PTPRK: variants seen among roughly 807,000 people sequenced by gnomAD.
PTPRK encodes receptor-type tyrosine-protein phosphatase kappa.
PTPRK carries 75 observed loss-of-function variants against 178.0 expected under a neutral mutation model. That is an observed-to-expected ratio of 0.42 (90% CI 0.35 to 0.51). The LOEUF (loss-of-function observed/expected upper bound fraction) is 0.51. PTPRK is among the 20% of genes least tolerant of loss of function. PTPRK has a pLI of 0.02. For missense variants in PTPRK, 1,441 were observed against 1,797.8 expected (o/e 0.80, Z 3.59); for synonymous variants, 637 against 620.6 (o/e 1.03, Z -0.39).
At chr6:127,997,098 A>C (rs1350278402) in intron 16 of PTPRK, 110 bp from the exon 17 acceptor site, 2 of 1,047,018 alleles carry the variant, frequency 1.9e-6, no homozygotes, top group East Asian at 2.6e-5. Context: ...AGAGGAAAGC[A>C]GTCCTACAGT....
In PTPRK at chr6:128,307,160, A is replaced by AAAT. The variant is rs5879886; in HGVS notation, c.495+14878_495+14879insATT. On this transcript the variant is annotated intron_variant, in intron 3 of 29. Coordinates refer to ENST00000368226, the MANE Select transcript of PTPRK (RefSeq NM_002844.4). ...AGGCTCAGAGCTCAGAAGAAAAAAA[A>AAAT]ATATATATATATATATATGGATATA... 3.4e-3 allele frequency among the ~76,000 whole-genome samples: 491 copies of AAAT among 142,364 alleles called. 1 individual carries two copies. Among genetic ancestry groups the AAAT allele is most frequent in the African/African-American group, 0.012 (442 of 36,844 alleles). 93.4% of individuals were successfully genotyped at this position (142,364 alleles called of 152,430 possible).
At chr6:128,465,556 T>C (rs145280867) in intron 1 of PTPRK, among the ~76,000 whole-genome samples, 1 of 152,328 alleles carries the variant, frequency 6.6e-6, no homozygotes, top group East Asian at 1.9e-4. Flanking sequence ...TTCCAAGCAC[T>C]AGTTCACTAT....
intron 1 of PTPRK, among the ~76,000 whole-genome samples, chr6:128,401,492 G>A (rs1841011229): frequency 1.3e-5 from 2 of 152,126 alleles, no homozygotes; most frequent in African/African-American, 4.8e-5. Flanking sequence ...AGTCCTTTCT[G>A]AAGTCAAACT....
chr6:128,443,191 T>A (rs1846506208), intron 1 of PTPRK, among the ~76,000 whole-genome samples: 1 of 152,168 alleles, frequency 6.6e-6, no homozygotes, highest in Admixed American at 6.5e-5. Flanking sequence ...CACATGGTTA[T>A]CAGTACACCG....
At chr6:128,335,460 T>C (rs1207540226) in intron 2 of PTPRK, among the ~76,000 whole-genome samples, 1 of 121,226 alleles carries the variant, frequency 8.2e-6, no homozygotes, top group African/African-American at 3.1e-5. Flanking sequence ...AAAAAAAAAA[T>C]GAGAGACTGG....
At chr6:128,013,771 C>A (rs1013017536) in intron 13 of PTPRK, among the ~76,000 whole-genome samples, 1 of 151,478 alleles carries the variant, frequency 6.6e-6, no homozygotes, top group Non-Finnish European at 1.5e-5. Flanking sequence ...TTTCCCATCC[C>A]CACTGCTACT....
At chr6:128,376,890 C>T (rs1460748491) in intron 2 of PTPRK, among the ~76,000 whole-genome samples, 5 of 152,272 alleles carry the variant, frequency 3.3e-5, no homozygotes, top group South Asian at 2.1e-4. Flanking sequence ...ACCTTTGCTC[C>T]GGTTCCCAAC....
chr6:128,123,435 C>T (rs1258753269), intron 7 of PTPRK, among the ~76,000 whole-genome samples: 2 of 152,000 alleles, frequency 1.3e-5, no homozygotes, highest in African/African-American at 2.4e-5. Context: ...AAAGGTCAGG[C>T]CTGCATGTAC....
At chr6:128,421,380 C>T (rs1051635858) in intron 1 of PTPRK, among the ~76,000 whole-genome samples, 2 of 152,016 alleles carry the variant, frequency 1.3e-5, no homozygotes, top group African/African-American at 4.8e-5. Context: ...TTAAGAACAT[C>T]GGTATTTGTG....
chr6:128,032,215 C>T (rs1451605476), intron 13 of PTPRK, among the ~76,000 whole-genome samples: 1 of 152,168 alleles, frequency 6.6e-6, no homozygotes, highest in Non-Finnish European at 1.5e-5. Flanking sequence ...AGCCCTGCCT[C>T]CTGACTTAAT....
chr6:128,097,879 G>C (rs1340613593), intron 7 of PTPRK, among the ~76,000 whole-genome samples: 13 of 152,092 alleles, frequency 8.5e-5, no homozygotes, highest in Admixed American at 4.6e-4. Context: ...CAAAAAGGTA[G>C]AGTGATTTGT....
At chr6:128,056,511 G>A (rs1029526783) in intron 13 of PTPRK, among the ~76,000 whole-genome samples, 2 of 150,856 alleles carry the variant, frequency 1.3e-5, no homozygotes, top group African/African-American at 2.4e-5. Flanking sequence ...TGCAACCTCC[G>A]CCTCCCGGGT....
intron 1 of PTPRK, among the ~76,000 whole-genome samples, chr6:128,433,573 A>G (rs1249933424): frequency 6.6e-6 from 1 of 151,824 alleles, no homozygotes; most frequent in Non-Finnish European, 1.5e-5. Context: ...CAGTGGCTCA[A>G]TCTCAGATTT....
chr6:128,034,422 C>G (rs1027657523), intron 13 of PTPRK, among the ~76,000 whole-genome samples: 1 of 152,204 alleles, frequency 6.6e-6, no homozygotes, highest in Non-Finnish European at 1.5e-5. Context: ...TCCGTAAACT[C>G]TTCTTTGAAG....
chr6:128,120,148 A>G (rs1184691638), intron 7 of PTPRK, among the ~76,000 whole-genome samples: 1 of 152,032 alleles, frequency 6.6e-6, no homozygotes, highest in South Asian at 2.1e-4. Context: ...ACTTAATCCT[A>G]CTTTCAAGCA....
At chr6:128,123,399 G>C (rs1449601722) in intron 7 of PTPRK, among the ~76,000 whole-genome samples, 3 of 151,974 alleles carry the variant, frequency 2.0e-5, no homozygotes, top group Non-Finnish European at 2.9e-5. Context: ...CAACTTAGGA[G>C]GAAATTTGTA....
At chr6:128,205,273 C>CGGG (rs956862524) in intron 6 of PTPRK, among the ~76,000 whole-genome samples, 1 of 151,808 alleles carries the variant, frequency 6.6e-6, no homozygotes, top group African/African-American at 2.4e-5. Flanking sequence ...TGGAAGTATG[C>CGGG]GGGGGAGGGA....
At chr6:128,408,550 G>C (rs1411687410) in intron 1 of PTPRK, among the ~76,000 whole-genome samples, 2 of 152,200 alleles carry the variant, frequency 1.3e-5, no homozygotes. Flanking sequence ...ATTGATCATA[G>C]AGGAGATAAC....
intron 2 of PTPRK, among the ~76,000 whole-genome samples, chr6:128,393,496 T>C (rs1344108569): frequency 6.6e-6 from 1 of 152,172 alleles, no homozygotes; most frequent in Non-Finnish European, 1.5e-5. Context: ...CATCTTCTGA[T>C]ATGAGGATAG....
Sources: gnomAD v4.1 joint callset for allele counts (sites outside exome capture counted in the v4.1 genomes callset) on GRCh38, gnomAD v4.1.1 for gene constraint, MANE v1.5 for transcripts, NCBI Gene and HGNC (gene_info 2026-07-23, HGNC 2026-07-21) for gene names.